The following FAT1 variants were observed in gnomAD, a reference collection of about 807,000 sequenced individuals.
The protein encoded by FAT1 is FAT atypical cadherin 1.
In FAT1, 171 loss-of-function variants were observed where a neutral mutation model predicts 329.8. The ratio of observed to expected loss-of-function variants is 0.52; its 90% CI spans 0.46 to 0.59. The LOEUF is 0.59. Among genes scored for constraint, FAT1 ranks in the 20% least tolerant of loss-of-function variants. FAT1 has a pLI of 0.00. For missense variants in FAT1, 5,672 were observed against 5,774.4 expected (o/e 0.98, Z 0.57); for synonymous variants, 2,233 against 2,228.6 (o/e 1.00, Z -0.06).
Position 186,621,699 on chromosome 4 carries a change from G to T in FAT1, c.4887C>A (p.Asn1629Lys). 6.2e-7 allele frequency: 1 copy of T among 1,613,630 alleles called. No individual in the cohort carries two copies. ...IKTAKELDRS[N>K]QAEYDLMVKA... ...TTACCATTAAATCATACTCCGCTTG[G>T]TTACTTCGATCTAATTCTTTGGCAG... is the stretch of plus-strand genomic sequence containing the variant. The change falls in exon 10 of 27, where the codon AAC becomes AAA. Residue 1629 changes from asparagine (N) to lysine (K), a missense_variant. Around this residue, in one of 2 missense-constraint regions of FAT1, gnomAD observed 3,966 missense variants for 3,915.2 expected, o/e 1.01. Coordinates refer to ENST00000441802, the MANE Select transcript of FAT1 (RefSeq NM_005245.4).
Position 186,636,629 on chromosome 4 carries a change from A to G in FAT1, c.3928T>C (p.Ser1310Pro), listed in dbSNP as rs763418043. ...FFIEPKTGVV[S>P]SKRFSAAGEY... ...CCAGCTGCTGAAAACCTCTTGGACG[A>G]AACCACTCCAGTTTTCGGTTCGATG... The change falls in exon 5 of 27, where the codon TCG (serine) becomes CCG (proline). Residue 1310 changes from serine to proline, a missense_variant. This residue lies in a region of FAT1 where 3,966 missense variants were observed against 3,915.2 expected (regional missense o/e 1.01). Coordinates refer to ENST00000441802, the MANE Select transcript of FAT1 (RefSeq NM_005245.4). 1 of 1,613,896 alleles carries G rather than the reference A, an allele frequency of 6.2e-7. No homozygotes were observed. The highest frequency in any genetic ancestry group is 1.1e-5 in the South Asian group (1 of 91,066).
chr4:186,721,966 G>A (rs1173852020), intron 1 of FAT1, among the ~76,000 whole-genome samples: 1 of 152,054 alleles, frequency 6.6e-6, no homozygotes, highest in African/African-American at 2.4e-5. Flanking sequence ...AGCCTCCCAA[G>A]TAGCTGGGAT....
At chr4:186,726,434 G>A (rs960595513), upstream of FAT1, 2 of 152,000 alleles carry the variant, frequency 1.3e-5, no homozygotes, top group Non-Finnish European at 1.5e-5. Context: ...TATGTGTTAA[G>A]AGCCGGGTTT....
At position 186,647,035 on chromosome 4, in the gene FAT1, T is replaced by A. The variant is rs550109016; in HGVS notation, c.3581-7252A>T. On this transcript the variant is annotated intron_variant, in intron 3 of 26. Coordinates refer to ENST00000441802, the MANE Select transcript of FAT1 (RefSeq NM_005245.4). The stretch of plus-strand genomic sequence containing the variant: ...AGTAGTAATGTCATAATGTTTACGA[T>A]CTCAGTCACCCACTTGTTCACTGTG... Among the ~76,000 whole-genome samples, 13 of 152,340 alleles carry A rather than the reference T, an allele frequency of 8.5e-5. 2 individuals are homozygous for A. Among genetic ancestry groups the A allele is most frequent in the Admixed American group, 8.5e-4 (13 of 15,310 alleles).
In FAT1 at chr4:186,603,704, C is replaced by G. The variant is rs372037540; in HGVS notation, c.10822G>C (p.Gly3608Arg). ...ACGCTGACATTGAGAAGGTATTGCC[C>G]TATGTCTAGCTTTTTGTGTGCTATC... Reference protein sequence around the residue: ...KLIAHKKLDIGQYLLNVSVTD... With the variant: ...KLIAHKKLDIRQYLLNVSVTD... Residue 3608 changes from glycine to arginine, a missense_variant, in exon 19 of 27, where the codon GGG becomes CGG. Gly to Arg is a moderately radical substitution (Grantham distance 125, BLOSUM62 -2). Around this residue, in one of 2 missense-constraint regions of FAT1, gnomAD observed 1,706 missense variants for 1,859.1 expected, o/e 0.92. Transcript: ENST00000441802. 102 of 1,613,844 alleles carry G rather than the reference C, an allele frequency of 6.3e-5. No homozygotes were observed. Among genetic ancestry groups the G allele is most frequent in the Non-Finnish European group, 8.3e-5 (98 of 1,179,886 alleles).
chr4:186,631,962 C>T (rs1037517789), intron 7 of FAT1, among the ~76,000 whole-genome samples: 1 of 151,654 alleles, frequency 6.6e-6, no homozygotes, highest in African/African-American at 2.4e-5. Context: ...AAATCATTCC[C>T]TTTGTCCCAC....
intron 20 of FAT1, 124 bp from the exon 21 acceptor site, chr4:186,601,550 T>A: frequency 1.5e-6 from 1 of 678,052 alleles, no homozygotes; most frequent in South Asian, 3.4e-5. Context: ...CATTTTACTA[T>A]CCAATTCTGT....
chr4:186,612,435 G>T (rs1490416137), intron 13 of FAT1, among the ~76,000 whole-genome samples: 1 of 151,986 alleles, frequency 6.6e-6, no homozygotes, highest in African/African-American at 2.4e-5. Flanking sequence ...CTGAAAATCT[G>T]AAATTTGAAA....
chr4:186,666,344 A>G (rs149137745), intron 2 of FAT1, among the ~76,000 whole-genome samples: 56 of 152,316 alleles, frequency 3.7e-4, no homozygotes, highest in African/African-American at 1.2e-3. Flanking sequence ...GGTCTGCTAA[A>G]TTAGCAAAAT....
At chr4:186,662,883 C>T (rs887161851) in intron 3 of FAT1, among the ~76,000 whole-genome samples, 10 of 151,874 alleles carry the variant, frequency 6.6e-5, no homozygotes, top group Non-Finnish European at 1.3e-4. Context: ...GTCGCCCAGG[C>T]TGGAGTGCAG....
chr4:186,628,415 A>G lies in FAT1; in HGVS notation c.4600-51T>C. 3 of 1,609,322 alleles carry G rather than the reference A, an allele frequency of 1.9e-6. No individual in the cohort carries two copies. In the South Asian group the frequency reaches 3.3e-5, roughly 18 times the overall value. ...TCCCATTGGTGCTTTCCTTATAACT[A>G]ATTAAAAATCACGCTCGAACACACA... On this transcript the variant is annotated intron_variant, in intron 8 of 26. Coordinates refer to ENST00000441802, the MANE Select transcript of FAT1 (RefSeq NM_005245.4).
Position 186,592,362 on chromosome 4 carries a change from C to A in FAT1, c.13139-3142G>T, listed in dbSNP as rs528094638. On this transcript the variant is annotated intron_variant, in intron 26 of 26. Transcript: ENST00000441802. ...AGCTTTACATTATTCAAGTCTTATT[C>A]CTGTACATACGAAGAAGAATTTTTG... 2.6e-5 allele frequency among the ~76,000 whole-genome samples: 4 copies of A among 152,226 alleles called. 1 individual carries two copies. In the South Asian group the frequency reaches 8.3e-4, roughly 32 times the overall value.
At chr4:186,629,902 G>A (rs1740509226) in intron 7 of FAT1, among the ~76,000 whole-genome samples, 1 of 152,178 alleles carries the variant, frequency 6.6e-6, no homozygotes, top group Non-Finnish European at 1.5e-5. Context: ...CAGAAGGGAT[G>A]GCTATAAAGG....
chr4:186,657,177 T>C (rs188849263), intron 3 of FAT1, among the ~76,000 whole-genome samples: 2 of 152,328 alleles, frequency 1.3e-5, no homozygotes, highest in East Asian at 1.9e-4. Flanking sequence ...CAGAAAGGCT[T>C]GTACTCAATG....
chr4:186,673,361 A>G (rs1163386175), intron 2 of FAT1, among the ~76,000 whole-genome samples: 1 of 152,176 alleles, frequency 6.6e-6, no homozygotes. Context: ...TTTTCTGTCT[A>G]TGTCTTAGAT....
intron 9 of FAT1, among the ~76,000 whole-genome samples, chr4:186,623,627 T>C (rs1740153051): frequency 6.6e-6 from 1 of 152,240 alleles, no homozygotes. Context: ...TGGAGGAGGC[T>C]GGTGCTGCTA....
intron 1 of FAT1, 73 bp from the exon 2 acceptor site, chr4:186,709,918 T>G (rs981508153): frequency 1.6e-5 from 21 of 1,328,140 alleles, no homozygotes; most frequent in Non-Finnish European, 2.1e-5. Context: ...TGTTTTAAAC[T>G]TCTCATTAAA....
rs756315351 is a variant in FAT1, at chr4:186,611,595, G to C, written c.9644C>G (p.Thr3215Ser). 7.4e-6 allele frequency: 12 copies of C among 1,613,802 alleles called. 1 individual carries two copies. The South Asian group carries it at 1.3e-4, about 18-fold the overall frequency. Residue 3215 changes from threonine to serine, a missense_variant, in exon 14 of 27, where the codon ACT becomes AGT. Coordinates refer to ENST00000441802, the MANE Select transcript of FAT1 (RefSeq NM_005245.4). ...TATGTCAAGAACTGATACAATCACA[G>C]TGCCAGTGGCAGTCAGCCTCCTTGG... is the stretch of plus-strand genomic sequence containing the variant. ...GLPRRLTATGTVIVSVLDIND... is the reference protein window; with the variant it reads ...GLPRRLTATGSVIVSVLDIND...
chr4:186,700,836 G>A (rs908757408), intron 2 of FAT1, among the ~76,000 whole-genome samples: 10 of 152,198 alleles, frequency 6.6e-5, no homozygotes, highest in Non-Finnish European at 1.3e-4. Flanking sequence ...GTGCCCGGCT[G>A]TGACACTCAG....
Sources: allele counts gnomAD v4.1 joint callset (sites outside exome capture counted in the v4.1 genomes callset), GRCh38; gene constraint gnomAD v4.1.1; regional missense constraint gnomAD v4.1.1; transcripts MANE v1.5; gene names NCBI Gene and HGNC (gene_info 2026-07-23, HGNC 2026-07-21).